The following CENPP variants were observed in gnomAD, a reference collection of about 807,000 sequenced individuals.
The protein encoded by CENPP is centromere protein P.
In CENPP, 24 loss-of-function variants were observed where a neutral mutation model predicts 35.6. The observed-to-expected ratio is 0.67, with a 90% CI of 0.49 to 0.95. The LOEUF is 0.95. Among genes scored for constraint, CENPP ranks in the 40% least tolerant of loss-of-function variants. The probability of loss-of-function intolerance (pLI) is 0.00; values close to 1 mark genes in which losing one functional copy is unlikely to be tolerated. For missense variants in CENPP, 332 were observed against 345.3 expected, an observed-to-expected ratio of 0.96 and a Z score of 0.31; for synonymous variants, 120 against 125.5, an observed-to-expected ratio of 0.96 and a Z score of 0.29.
chr9:92,509,891 T>C lies in CENPP; in HGVS notation c.565-101423T>C, dbSNP rs770153604. On this transcript the variant is annotated intron_variant, in intron 5 of 7. Coordinates refer to ENST00000375587, the MANE Select transcript of CENPP (RefSeq NM_001012267.3). ...GAAGCATATCATTGAAAAACAAATATTAAATACCTGATAAACTTTCTTCAT... is the reference window on the plus strand; with the variant it reads ...GAAGCATATCATTGAAAAACAAATACTAAATACCTGATAAACTTTCTTCAT... 9.4e-6 allele frequency: 15 copies of C among 1,599,422 alleles called. No homozygotes were observed. In the East Asian group the frequency reaches 1.1e-4, roughly 12 times the overall value.
intron 5 of CENPP, among the ~76,000 whole-genome samples, chr9:92,492,065 G>A (rs1190315649): frequency 6.6e-6 from 1 of 152,124 alleles, no homozygotes; most frequent in East Asian, 1.9e-4. Flanking sequence ...ACGTGTATGT[G>A]TTGTATGGTT....
intron 4 of CENPP, among the ~76,000 whole-genome samples, chr9:92,370,810 C>T (rs1396189527): frequency 6.6e-6 from 1 of 152,102 alleles, no homozygotes; most frequent in African/African-American, 2.4e-5. Flanking sequence ...AATCTCACTA[C>T]TCATTATGTT....
At chr9:92,383,045 G>A (rs796652263) in intron 5 of CENPP, among the ~76,000 whole-genome samples, 9 of 151,712 alleles carry the variant, frequency 5.9e-5, no homozygotes, top group African/African-American at 2.2e-4. Context: ...ACAGGCACCC[G>A]CCACCACACC....
At position 92,618,136 on chromosome 9, in the gene CENPP, G is replaced by T. The variant is rs1851501503; in HGVS notation, c.*4987G>T. 1 of 425,572 alleles carries T rather than the reference G, an allele frequency of 2.3e-6. No individual in the cohort carries two copies. Among genetic ancestry groups the T allele is most frequent in the Non-Finnish European group, 4.7e-6 (1 of 210,880 alleles). The allele number at this position is 425,572 out of a possible 1,614,324, so 26.4% of individuals were successfully genotyped here. A position where few individuals can be genotyped will look rare whatever the true frequency, so the allele number is the denominator to read the frequency against. Reference sequence around the variant, plus strand: ...GGCCACTGCGCACACCTTCCTGGAAGCAGGCCCAGCCCCACACGCCATGTT... The same window carrying T: ...GGCCACTGCGCACACCTTCCTGGAATCAGGCCCAGCCCCACACGCCATGTT... On this transcript the variant is annotated 3_prime_UTR_variant, in exon 8 of 8. Transcript: ENST00000375587.
chr9:92,349,888 G>T (rs553594269), intron 4 of CENPP, among the ~76,000 whole-genome samples: 59 of 152,252 alleles, frequency 3.9e-4, no homozygotes, highest in African/African-American at 1.4e-3. Context: ...AGAGGTTTTT[G>T]TGTGAATGTA....
At chr9:92,545,778 A>G (rs567916285) in intron 5 of CENPP, among the ~76,000 whole-genome samples, 1 of 152,366 alleles carries the variant, frequency 6.6e-6, no homozygotes, top group East Asian at 1.9e-4. Flanking sequence ...TTGTAGATAT[A>G]CCAGTCAGCA....
rs745962851 is a variant in CENPP at position 92,611,199 on chromosome 9, GCAAA to G, written c.565-112_565-109del. ...GGCGGTTGGCACCCATGGATGCTGC[GCAAA>G]CACTCGGACCCTGATTTTCGCCAGA... On this transcript the variant is annotated intron_variant, in intron 5 of 7. Coordinates refer to ENST00000375587, the MANE Select transcript of CENPP (RefSeq NM_001012267.3). 1.8e-3 allele frequency: 1,430 copies of G among 807,826 alleles called. 3 individuals carry two copies. The highest frequency in any genetic ancestry group is 2.6e-3 in the Non-Finnish European group (1,237 of 473,198). The allele number at this position is 807,826 out of a possible 1,614,324, so 50.0% of individuals were successfully genotyped here. A position where few individuals can be genotyped will look rare whatever the true frequency, so the allele number is the denominator to read the frequency against.
intron 5 of CENPP, among the ~76,000 whole-genome samples, chr9:92,416,046 T>TATGTGTGTATATA (rs1202073989): frequency 1.0e-5 from 1 of 100,376 alleles, no homozygotes; most frequent in Non-Finnish European, 2.2e-5. Context: ...AATAAATATA[T>TATGTGTGTATATA]TATATATGTG....
At chr9:92,327,358 C>G (rs879617889) in intron 1 of CENPP, among the ~76,000 whole-genome samples, 6 of 152,174 alleles carry the variant, frequency 3.9e-5, no homozygotes, top group Non-Finnish European at 8.8e-5. Context: ...GAAGCATAGT[C>G]TCAGGCAAAG....
At chr9:92,419,722 A>G (rs544987242) in intron 5 of CENPP, among the ~76,000 whole-genome samples, 7 of 152,174 alleles carry the variant, frequency 4.6e-5, no homozygotes, top group Non-Finnish European at 8.8e-5. Context: ...ATCATTTAGG[A>G]AAAAGGTTTT....
chr9:92,444,427 T>G (rs1485158857), intron 5 of CENPP, among the ~76,000 whole-genome samples: 1 of 152,162 alleles, frequency 6.6e-6, no homozygotes, highest in African/African-American at 2.4e-5. Flanking sequence ...TGCAAAATTC[T>G]TCCATTCTAT....
intron 4 of CENPP, among the ~76,000 whole-genome samples, chr9:92,373,394 A>C (rs1447132785): frequency 6.6e-6 from 1 of 152,022 alleles, no homozygotes; most frequent in Non-Finnish European, 1.5e-5. Context: ...TCCTTCAGTG[A>C]TTTCTTCAGT....
At chr9:92,396,750 G>A (rs1024783422) in intron 5 of CENPP, among the ~76,000 whole-genome samples, 3 of 151,256 alleles carry the variant, frequency 2.0e-5, no homozygotes, top group African/African-American at 7.3e-5. Context: ...TAAATTTTTT[G>A]TAGAGACATG....
chr9:92,386,829 G>A (rs1407620843), intron 5 of CENPP, among the ~76,000 whole-genome samples: 4 of 151,712 alleles, frequency 2.6e-5, no homozygotes, highest in African/African-American at 4.8e-5. Context: ...TGATCTGCCC[G>A]CCTCAGCCTC....
intron 5 of CENPP, chr9:92,415,146 T>G: frequency 6.3e-7 from 1 of 1,596,416 alleles, no homozygotes; most frequent in South Asian, 1.1e-5. Context: ...CCTATATAGT[T>G]TCTTGCTATT....
chr9:92,332,268 T>C lies in CENPP; in HGVS notation c.206T>C (p.Phe69Ser). 1 of 1,613,238 alleles carries C rather than the reference T, an allele frequency of 6.2e-7. No individual in the cohort carries two copies. Among genetic ancestry groups the C allele is most frequent in the Non-Finnish European group, 8.5e-7 (1 of 1,179,608 alleles). ...GGACATTTAGAATCAGAACTTTCAT[T>C]TCTAAGTACGCTTACTGGCATCAAT... Reference protein sequence around the residue: ...QLGHLESELSFLSTLTGINIR... With the variant: ...QLGHLESELSSLSTLTGINIR... The change falls in exon 2 of 8, where the codon TTT becomes TCT. Residue 69 changes from phenylalanine to serine, a missense_variant. Physicochemically the swap from Phe to Ser is radical, Grantham distance 155. Coordinates refer to ENST00000375587, the MANE Select transcript of CENPP (RefSeq NM_001012267.3).
chr9:92,457,525 G>C (rs1336992643), intron 5 of CENPP: 2 of 1,432,162 alleles, frequency 1.4e-6, no homozygotes, highest in Admixed American at 3.4e-5. Flanking sequence ...AAAATACCCA[G>C]TAAATGTAAA....
intron 3 of CENPP, among the ~76,000 whole-genome samples, chr9:92,345,065 C>T (rs1046469310): frequency 7.9e-5 from 12 of 151,596 alleles, no homozygotes; most frequent in African/African-American, 2.7e-4. Context: ...TTCTGGCTAA[C>T]ACGGTGAAAC....
intron 1 of CENPP, among the ~76,000 whole-genome samples, chr9:92,330,223 G>T (rs976139303): frequency 2.0e-5 from 3 of 152,044 alleles, no homozygotes; most frequent in African/African-American, 7.2e-5. Context: ...ACATACCAAG[G>T]GAAATATTTT....
Sources: allele counts gnomAD v4.1 joint callset (sites outside exome capture counted in the v4.1 genomes callset), GRCh38; gene constraint gnomAD v4.1.1; transcripts MANE v1.5; gene names NCBI Gene and HGNC (gene_info 2026-07-23, HGNC 2026-07-21).